Variants in INSYN2B observed in about 807,000 individuals in gnomAD.
The protein encoded by INSYN2B is protein INSYN2B.
A neutral mutation model predicts 41.2 loss-of-function variants in INSYN2B; 16 were observed. The observed-to-expected ratio is 0.39, with a 90% CI of 0.26 to 0.59. The LOEUF (loss-of-function observed/expected upper bound fraction) is 0.59, where lower values mean the gene tolerates loss of function less well. INSYN2B is among the 20% of genes least tolerant of loss of function. The pLI, the probability that INSYN2B is intolerant of heterozygous loss-of-function variation, is 0.57. For synonymous variants in INSYN2B, 245 were observed against 244.4 expected, an observed-to-expected ratio of 1.00 and a Z score of -0.02; for missense variants, 608 against 646.4, an observed-to-expected ratio of 0.94 and a Z score of 0.64.
chr5:169,976,297 A>G (rs551646550), intron 1 of INSYN2B, among the ~76,000 whole-genome samples: 7 of 152,342 alleles, frequency 4.6e-5, no homozygotes, highest in African/African-American at 1.4e-4. Context: ...CCTAAATTTT[A>G]GGTCCTATGT....
At chr5:169,877,315 G>C (rs1041715353) in intron 3 of INSYN2B, among the ~76,000 whole-genome samples, 1 of 152,184 alleles carries the variant, frequency 6.6e-6, no homozygotes, top group African/African-American at 2.4e-5. Context: ...AATCTGCATG[G>C]AGGATTACTT....
intron 1 of INSYN2B, among the ~76,000 whole-genome samples, chr5:169,960,446 A>T (rs1321768963): frequency 6.6e-6 from 1 of 152,196 alleles, no homozygotes; most frequent in South Asian, 2.1e-4. Context: ...CATTCATCTC[A>T]CATCTTTTGG....
At chr5:169,880,333 C>T (rs998495406) in intron 3 of INSYN2B, among the ~76,000 whole-genome samples, 10 of 152,224 alleles carry the variant, frequency 6.6e-5, no homozygotes, top group African/African-American at 2.2e-4. Context: ...GGCATATGGT[C>T]TCTTACTCAT....
intron 3 of INSYN2B, among the ~76,000 whole-genome samples, chr5:169,873,011 G>A (rs1383855758): frequency 6.6e-6 from 1 of 152,126 alleles, no homozygotes; most frequent in Non-Finnish European, 1.5e-5. Context: ...AATAAAGATC[G>A]GATCACTCTG....
intron 1 of INSYN2B, among the ~76,000 whole-genome samples, chr5:169,975,630 G>A (rs1317876639): frequency 6.6e-6 from 1 of 152,186 alleles, no homozygotes; most frequent in African/African-American, 2.4e-5. Context: ...CTACTCAAAT[G>A]TCAACTCTTA....
At chr5:169,912,171 C>G (rs556139518) in intron 1 of INSYN2B, among the ~76,000 whole-genome samples, 1 of 152,222 alleles carries the variant, frequency 6.6e-6, no homozygotes, top group East Asian at 1.9e-4. Context: ...TCTTCTCCTT[C>G]TTTCTTCTTT....
At chr5:169,968,016 G>A (rs991334653) in intron 1 of INSYN2B, among the ~76,000 whole-genome samples, 3 of 152,168 alleles carry the variant, frequency 2.0e-5, no homozygotes, top group Non-Finnish European at 4.4e-5. Context: ...GTTAATATGA[G>A]CTGCCCATGA....
intron 1 of INSYN2B, among the ~76,000 whole-genome samples, chr5:169,912,146 G>A (rs555082880): frequency 1.3e-5 from 2 of 152,308 alleles, no homozygotes; most frequent in East Asian, 3.9e-4. Context: ...AAAAAGGAAA[G>A]CGACTATTAT....
chr5:169,973,809 A>AC (rs1460251460), intron 1 of INSYN2B, among the ~76,000 whole-genome samples: 2 of 152,176 alleles, frequency 1.3e-5, no homozygotes, highest in Non-Finnish European at 1.5e-5. Flanking sequence ...AACTTTACCA[A>AC]TTGGTCTATC....
intron 1 of INSYN2B, among the ~76,000 whole-genome samples, chr5:169,941,318 C>T (rs1019479188): frequency 2.0e-5 from 3 of 152,210 alleles, no homozygotes; most frequent in Admixed American, 6.5e-5. Context: ...AGCAATTCTC[C>T]TGTCTCAGCC....
At chr5:169,963,871 GCT>G (rs559411657) in intron 1 of INSYN2B, among the ~76,000 whole-genome samples, 26 of 152,262 alleles carry the variant, frequency 1.7e-4, no homozygotes, top group African/African-American at 6.0e-4. Context: ...ACCCCTAGAT[GCT>G]CTAATTCAGT....
rs1443904633 is a variant in INSYN2B, at chr5:169,907,872, C to G, written c.-918-23056G>C. Among the ~76,000 whole-genome samples the G allele has an allele frequency of 3.3e-5, 5 of 152,178 alleles. No homozygotes were observed. In the East Asian group the frequency reaches 7.7e-4, roughly 23 times the overall value. On this transcript the variant is annotated intron_variant, in intron 1 of 3. Transcript: ENST00000377365. ...CTAGTGGGTAGAGGGCAGGGATGCT[C>G]TAAACATCCTACAACACACAGGAAC...
At chr5:169,970,433 CT>C (rs892779465) in intron 1 of INSYN2B, among the ~76,000 whole-genome samples, 3 of 152,312 alleles carry the variant, frequency 2.0e-5, no homozygotes, top group African/African-American at 7.2e-5. Flanking sequence ...AGAACAATCA[CT>C]TTGTTTGTAG....
chr5:169,889,548 G>A (rs1773166431), intron 1 of INSYN2B, among the ~76,000 whole-genome samples: 1 of 152,216 alleles, frequency 6.6e-6, no homozygotes, highest in African/African-American at 2.4e-5. Flanking sequence ...TTCATTTCAT[G>A]CATCCAAATT....
At chr5:169,960,988 C>A (rs1283843405) in intron 1 of INSYN2B, among the ~76,000 whole-genome samples, 1 of 152,144 alleles carries the variant, frequency 6.6e-6, no homozygotes, top group Non-Finnish European at 1.5e-5. Context: ...GGTTCACTAT[C>A]CATGGAGTCT....
At chr5:169,950,159 G>A (rs1443089003) in intron 1 of INSYN2B, among the ~76,000 whole-genome samples, 1 of 152,052 alleles carries the variant, frequency 6.6e-6, no homozygotes, top group African/African-American at 2.4e-5. Flanking sequence ...GATGAGACAG[G>A]AGCCATCGTG....
At chr5:169,914,892 G>A (rs1208844809) in intron 1 of INSYN2B, among the ~76,000 whole-genome samples, 1 of 152,238 alleles carries the variant, frequency 6.6e-6, no homozygotes, top group African/African-American at 2.4e-5. Flanking sequence ...TGACATAACT[G>A]TTGTTGTCTG....
intron 1 of INSYN2B, among the ~76,000 whole-genome samples, chr5:169,889,249 A>AT (rs886634724): frequency 6.6e-6 from 1 of 152,040 alleles, no homozygotes. Flanking sequence ...CACTTCCAAC[A>AT]TTTTTTTTCC....
intron 1 of INSYN2B, among the ~76,000 whole-genome samples, chr5:169,947,532 C>T (rs1027308195): frequency 3.3e-5 from 5 of 152,194 alleles, no homozygotes; most frequent in African/African-American, 4.8e-5. Context: ...TCAGATTGAC[C>T]GAGTGAGGGT....
Sources: allele counts gnomAD v4.1 joint callset (sites outside exome capture counted in the v4.1 genomes callset), GRCh38; gene constraint gnomAD v4.1.1; transcripts MANE v1.5; gene names NCBI Gene and HGNC (gene_info 2026-07-23, HGNC 2026-07-21).